MYCBP2: variants seen among roughly 807,000 people sequenced by gnomAD.
The protein encoded by MYCBP2 is E3 ubiquitin-protein ligase MYCBP2.
In MYCBP2, 120 loss-of-function variants were observed where a neutral mutation model predicts 525.3. That is an observed-to-expected ratio of 0.23 (90% CI 0.20 to 0.27). The LOEUF (loss-of-function observed/expected upper bound fraction) is 0.27. Among genes scored for constraint, MYCBP2 ranks in the 10% least tolerant of loss-of-function variants. MYCBP2 has a pLI of 1.00. For synonymous variants in MYCBP2, 1,894 were observed against 1,955.8 expected (o/e 0.97, Z 0.83); for missense variants, 4,149 against 5,657.1 (o/e 0.73, Z 8.55).
At chr13:77,087,704 A>G (rs1157310292) in intron 61 of MYCBP2, 71 bp from the exon 62 acceptor site, 8 of 1,301,954 alleles carry the variant, frequency 6.1e-6, no homozygotes. Flanking sequence ...GAAATAAAGT[A>G]CCTCCATGGA....
intron 58 of MYCBP2, among the ~76,000 whole-genome samples, chr13:77,094,022 C>G (rs912157518): frequency 3.3e-5 from 5 of 152,140 alleles, no homozygotes; most frequent in Admixed American, 2.0e-4. Context: ...GTGATTCACA[C>G]TAAAGATCTA....
chr13:77,187,318 T>C (rs1378388121), intron 30 of MYCBP2, among the ~76,000 whole-genome samples: 1 of 152,160 alleles, frequency 6.6e-6, no homozygotes, highest in Non-Finnish European at 1.5e-5. Flanking sequence ...GGATGCAAAG[T>C]TACCAAGAAG....
Position 77,089,128 on chromosome 13 carries a change from G to T in MYCBP2, c.10526-97C>A, listed in dbSNP as rs554839687. 89 of 910,650 alleles carry T rather than the reference G, an allele frequency of 9.8e-5. 1 individual carries two copies. The South Asian group carries it at 1.4e-3, about 14-fold the overall frequency. The allele number at this position is 910,650 out of a possible 1,614,324, so 56.4% of individuals were successfully genotyped here. A position where few individuals can be genotyped will look rare whatever the true frequency, so the allele number is the denominator to read the frequency against. On this transcript the variant is annotated intron_variant, in intron 60 of 82. Coordinates refer to ENST00000544440, the MANE Select transcript of MYCBP2 (RefSeq NM_015057.5). The stretch of plus-strand genomic sequence containing the variant: ...TATTCACTTAAAGCCTTTGTCATTG[G>T]TTTTTTGAACATGACACAAATCATA...
chr13:77,306,240 T>C (rs941484928), intron 1 of MYCBP2, among the ~76,000 whole-genome samples: 1 of 152,226 alleles, frequency 6.6e-6, no homozygotes, highest in Non-Finnish European at 1.5e-5. Context: ...AGCTTTTCCA[T>C]AGAAGCCAGA....
chr13:77,262,903 TA>T (rs1327248871), intron 10 of MYCBP2, among the ~76,000 whole-genome samples: 2 of 151,886 alleles, frequency 1.3e-5, no homozygotes, highest in East Asian at 1.9e-4. Flanking sequence ...ATAATTAGAA[TA>T]TAGAAAGTAA....
rs550775616 is a variant in MYCBP2, at chr13:77,070,102, T to C, written c.11904+529A>G. Among the ~76,000 whole-genome samples the C allele has an allele frequency of 4.6e-5, 7 of 152,152 alleles. No individual in the cohort carries two copies. The South Asian group carries it at 1.2e-3, about 27-fold the overall frequency. ...TGGGAAATGCAAATCAAATCTGATA[T>C]AGCTGGGTATTTGACACCAAATAAA... On this transcript the variant is annotated intron_variant, in intron 69 of 82. Transcript: ENST00000544440.
Position 77,144,482 on chromosome 13 carries a change from G to T in MYCBP2, c.7266C>A (p.Leu2422=), listed in dbSNP as rs200250987. The T allele has an allele frequency of 6.2e-7, 1 of 1,613,572 alleles. No homozygotes were observed. Among genetic ancestry groups the T allele is most frequent in the Non-Finnish European group, 8.5e-7 (1 of 1,179,682 alleles). Residue 2422 remains leucine, a synonymous_variant, in exon 49 of 83, where the codon CTC becomes CTA. Coordinates refer to ENST00000544440, the MANE Select transcript of MYCBP2 (RefSeq NM_015057.5). ...CANWTPGAIG[L]YTLHVTIDGI... is the part of the protein sequence containing the mutation. ...CATCAATGGTAACATGAAGAGTGTA[G>T]AGTCCAATAGCCCCTGGAGTCCAAT...
intron 20 of MYCBP2, among the ~76,000 whole-genome samples, chr13:77,221,120 C>G (rs967021032): frequency 2.0e-5 from 3 of 152,144 alleles, no homozygotes; most frequent in Non-Finnish European, 4.4e-5. Flanking sequence ...CTACCAGTTA[C>G]TATACCACTG....
chr13:77,099,315 T>C, intron 55 of MYCBP2: 1 of 301,068 alleles, frequency 3.3e-6, no homozygotes. Flanking sequence ...CTAGTTAGAA[T>C]TTAAATTCAG....
chr13:77,088,693 G>A (rs2044809898), intron 61 of MYCBP2, 139 bp downstream of exon 61: 1 of 606,930 alleles, frequency 1.6e-6, no homozygotes, highest in East Asian at 2.9e-5. Context: ...GATTTTTATA[G>A]GAACACTTAA....
intron 14 of MYCBP2, among the ~76,000 whole-genome samples, chr13:77,253,191 G>C (rs1228302862): frequency 6.6e-6 from 1 of 151,870 alleles, no homozygotes; most frequent in Admixed American, 6.6e-5. Context: ...AGTTTGAAGA[G>C]ATGTTCAAAC....
intron 62 of MYCBP2, among the ~76,000 whole-genome samples, chr13:77,085,397 G>T (rs1382787243): frequency 6.6e-6 from 1 of 152,122 alleles, no homozygotes; most frequent in African/African-American, 2.4e-5. Flanking sequence ...TATCTGAAAA[G>T]AATGTAAACA....
intron 80 of MYCBP2, among the ~76,000 whole-genome samples, chr13:77,055,248 A>G (rs952993792): frequency 6.6e-6 from 1 of 152,190 alleles, no homozygotes; most frequent in Non-Finnish European, 1.5e-5. Flanking sequence ...AGGAATGGTT[A>G]GCAGAGTCAA....
At chr13:77,305,269 CA>C (rs370413688) in intron 1 of MYCBP2, among the ~76,000 whole-genome samples, 31 of 152,014 alleles carry the variant, frequency 2.0e-4, no homozygotes, top group East Asian at 1.9e-3. Flanking sequence ...ACTGCACAGC[CA>C]AAAAATAGCA....
At chr13:77,267,360 C>T (rs2074245140) in intron 8 of MYCBP2, among the ~76,000 whole-genome samples, 1 of 150,620 alleles carries the variant, frequency 6.6e-6, no homozygotes, top group East Asian at 1.9e-4. Context: ...CCTGACCTAC[C>T]CTAAACTCTC....
At chr13:77,074,222 T>C (rs1431402869) in intron 68 of MYCBP2, among the ~76,000 whole-genome samples, 4 of 152,130 alleles carry the variant, frequency 2.6e-5, no homozygotes, top group African/African-American at 9.7e-5. Flanking sequence ...AAATTGACTA[T>C]TGATAAATGA....
At chr13:77,131,503 CACACACACAAACAA>C (rs1357687857) in intron 52 of MYCBP2, among the ~76,000 whole-genome samples, 1 of 97,896 alleles carries the variant, frequency 1.0e-5, no homozygotes, top group Non-Finnish European at 2.3e-5. Flanking sequence ...CACACACACA[CACACACACAAACAA>C]ACACACACAC....
At chr13:77,079,958 T>C (rs1429630739) in intron 65 of MYCBP2, among the ~76,000 whole-genome samples, 1 of 152,194 alleles carries the variant, frequency 6.6e-6, no homozygotes, top group South Asian at 2.1e-4. Flanking sequence ...TATTTCCTCT[T>C]AGAAAAGACA....
intron 40 of MYCBP2, 23 bp from the exon 41 acceptor site, chr13:77,166,577 C>A: frequency 6.5e-7 from 1 of 1,528,552 alleles, no homozygotes; most frequent in East Asian, 2.3e-5. Flanking sequence ...GGCAAAGTGA[C>A]ATGAATACAG....
Sources: gnomAD v4.1 joint callset for allele counts (sites outside exome capture counted in the v4.1 genomes callset) on GRCh38, gnomAD v4.1.1 for gene constraint, MANE v1.5 for transcripts, NCBI Gene and HGNC (gene_info 2026-07-23, HGNC 2026-07-21) for gene names.